The following HIVEP3 variants were observed in gnomAD, a reference collection of about 807,000 sequenced individuals.
HIVEP3 encodes transcription factor HIVEP3.
In HIVEP3, 49 loss-of-function variants were observed where a neutral mutation model predicts 152.8. That is an observed-to-expected ratio of 0.32 (90% CI 0.26 to 0.41). The LOEUF (loss-of-function observed/expected upper bound fraction) is 0.41. Ranked by LOEUF, HIVEP3 falls within the 10% of genes least tolerant of loss-of-function variation. The pLI is 1.00. For synonymous variants in HIVEP3, 1,269 were observed against 1,289.0 expected (o/e 0.98, Z 0.33); for missense variants, 2,790 against 3,103.3 (o/e 0.90, Z 2.40).
chr1:41,529,379 A>T (rs1310645408), intron 5 of HIVEP3, among the ~76,000 whole-genome samples: 2 of 92,082 alleles, frequency 2.2e-5, no homozygotes, highest in Non-Finnish European at 4.3e-5. Flanking sequence ...TCACCCTCAC[A>T]TGCTCACCCT....
At chr1:41,861,580 G>T (rs999250525) in intron 1 of HIVEP3, among the ~76,000 whole-genome samples, 2 of 152,210 alleles carry the variant, frequency 1.3e-5, no homozygotes. Context: ...CTGGGGATGT[G>T]GGGAGACTGT....
At chr1:41,547,641 C>T (rs372455299) in intron 5 of HIVEP3, among the ~76,000 whole-genome samples, 2 of 152,264 alleles carry the variant, frequency 1.3e-5, no homozygotes, top group African/African-American at 4.8e-5. Context: ...CTGGGCCAGG[C>T]GTTAGGGCCA....
chr1:41,856,659 G>A (rs184215282), intron 1 of HIVEP3, among the ~76,000 whole-genome samples: 1 of 152,154 alleles, frequency 6.6e-6, no homozygotes, highest in East Asian at 1.9e-4. Context: ...ATGTCTTGAG[G>A]GAGGAAGGGA....
At chr1:41,577,331 T>A (rs1370945076) in intron 4 of HIVEP3, among the ~76,000 whole-genome samples, 1 of 152,226 alleles carries the variant, frequency 6.6e-6, no homozygotes, top group Admixed American at 6.5e-5. Context: ...AGTGTTATTA[T>A]TATCCCTATT....
At chr1:41,715,781 G>A (rs12040747) in intron 1 of HIVEP3, among the ~76,000 whole-genome samples, 3,401 of 152,288 alleles carry the variant, frequency 0.022, 179 homozygotes, top group East Asian at 0.22. Context: ...ATAAACTGAA[G>A]TTTATCAAAC....
intron 1 of HIVEP3, among the ~76,000 whole-genome samples, chr1:41,768,733 T>C (rs1259168565): frequency 1.3e-5 from 2 of 152,070 alleles, no homozygotes; most frequent in Non-Finnish European, 2.9e-5. Context: ...CACTGAGGAG[T>C]TGCTGCTTCT....
At chr1:41,903,033 A>G (rs2764839) in intron 1 of HIVEP3, among the ~76,000 whole-genome samples, 96,000 of 152,026 alleles carry the variant, frequency 0.63, 30,449 homozygotes, top group Middle Eastern at 0.67. Flanking sequence ...TACATTCCTG[A>G]GACATGTTTA....
intron 1 of HIVEP3, among the ~76,000 whole-genome samples, chr1:42,024,874 T>C (rs1447538701): frequency 2.0e-5 from 3 of 152,230 alleles, no homozygotes; most frequent in Non-Finnish European, 2.9e-5. Context: ...ACTTTGTGCA[T>C]ATAATCCTAA....
chr1:41,863,811 C>T (rs1643919999), intron 1 of HIVEP3, among the ~76,000 whole-genome samples: 1 of 152,234 alleles, frequency 6.6e-6, no homozygotes, highest in African/African-American at 2.4e-5. Flanking sequence ...CTCCATCTGT[C>T]AAGCTGAAGC....
intron 1 of HIVEP3, among the ~76,000 whole-genome samples, chr1:41,927,968 G>A (rs1644976406): frequency 6.7e-6 from 1 of 148,398 alleles, no homozygotes; most frequent in Non-Finnish European, 1.5e-5. Flanking sequence ...GGCTGAGGCA[G>A]GAGAATCGCT....
At chr1:41,997,053 C>T (rs1013325061) in intron 1 of HIVEP3, among the ~76,000 whole-genome samples, 3 of 152,198 alleles carry the variant, frequency 2.0e-5, no homozygotes, top group Admixed American at 6.5e-5. Context: ...ATCACATCTG[C>T]CAAGTCCCTT....
chr1:41,646,471 C>T (rs143323947), intron 2 of HIVEP3, among the ~76,000 whole-genome samples: 2 of 152,288 alleles, frequency 1.3e-5, no homozygotes, highest in South Asian at 2.1e-4. Flanking sequence ...CCTTGAGAAA[C>T]AGGAGGGCTT....
chr1:41,917,417 C>G (rs1378143242), intron 1 of HIVEP3, among the ~76,000 whole-genome samples: 1 of 152,132 alleles, frequency 6.6e-6, no homozygotes, highest in African/African-American at 2.4e-5. Flanking sequence ...GAAACGTCAG[C>G]GTATACCAGA....
chr1:41,856,763 C>T (rs1308224260), intron 1 of HIVEP3, among the ~76,000 whole-genome samples: 2 of 152,112 alleles, frequency 1.3e-5, no homozygotes, highest in Non-Finnish European at 2.9e-5. Flanking sequence ...CCTCTCCTTG[C>T]TTTGTTGACG....
At chr1:41,695,543 A>G (rs1017799498) in intron 2 of HIVEP3, among the ~76,000 whole-genome samples, 5 of 152,164 alleles carry the variant, frequency 3.3e-5, no homozygotes, top group African/African-American at 7.2e-5. Flanking sequence ...CTCCATTCCA[A>G]TCAGGAGGTG....
chr1:41,633,719 C>A (rs1645229541), intron 2 of HIVEP3, among the ~76,000 whole-genome samples: 1 of 152,130 alleles, frequency 6.6e-6, no homozygotes, highest in Non-Finnish European at 1.5e-5. Context: ...CAGTCCTGGA[C>A]TACTGTGTTC....
At chr1:41,911,494 G>A (rs1644795429) in intron 1 of HIVEP3, among the ~76,000 whole-genome samples, 1 of 152,074 alleles carries the variant, frequency 6.6e-6, no homozygotes, top group Non-Finnish European at 1.5e-5. Context: ...AACTATCCTA[G>A]CAGCACTGAA....
At chr1:41,986,900 G>T (rs57342564) in intron 1 of HIVEP3, among the ~76,000 whole-genome samples, 3,072 of 152,212 alleles carry the variant, frequency 0.02, 89 homozygotes, top group African/African-American at 0.069. Context: ...ACAGAAGTTT[G>T]TATTCTTTAA....
intron 2 of HIVEP3, among the ~76,000 whole-genome samples, chr1:41,657,917 C>T (rs1413152016): frequency 6.6e-6 from 1 of 152,176 alleles, no homozygotes; most frequent in African/African-American, 2.4e-5. Flanking sequence ...GGGCCTCCTG[C>T]TGGCTGGGCT....
Sources: gnomAD v4.1 joint callset for allele counts (sites outside exome capture counted in the v4.1 genomes callset) on GRCh38, gnomAD v4.1.1 for gene constraint, MANE v1.5 for transcripts, NCBI Gene and HGNC (gene_info 2026-07-23, HGNC 2026-07-21) for gene names.